The following FAM234B variants were observed in gnomAD, a reference collection of about 807,000 sequenced individuals.
FAM234B encodes the protein protein FAM234B.
In FAM234B, 33 loss-of-function variants were observed where a neutral mutation model predicts 69.3. The observed-to-expected ratio is 0.48, with a 90% confidence interval of 0.36 to 0.64. The LOEUF is 0.64. Among genes scored for constraint, FAM234B ranks in the 30% least tolerant of loss-of-function variants. The probability of loss-of-function intolerance (pLI) is 0.00; values close to 1 mark genes in which losing one functional copy is unlikely to be tolerated. For missense variants in FAM234B, 697 were observed against 769.7 expected (o/e 0.91, Z 1.12); for synonymous variants, 306 against 306.9 (o/e 1.00, Z 0.03).
In FAM234B at chr12:13,067,350, C is replaced by G; in HGVS notation, c.1142+54C>G. The G allele has an allele frequency of 6.3e-7, 1 of 1,592,610 alleles. No individual in the cohort carries two copies. Among genetic ancestry groups the G allele is most frequent in the African/African-American group, 1.3e-5 (1 of 74,480 alleles). On this transcript the variant is annotated intron_variant, in intron 7 of 12. Transcript: ENST00000197268. This position sits in a 1 kb window ranked among gnomAD's most constrained non-coding sequence, Gnocchi z 4.7. ...GTGAGATCTCTTGTGAACTCACATG[C>G]CTTTGAGTCTCTAAGTTTGGTTGGG...
chr12:13,066,750 C>A lies in FAM234B; in HGVS notation c.963C>A (p.Ile321=). 3 of 1,614,004 alleles carry A rather than the reference C, an allele frequency of 1.9e-6. No individual in the cohort carries two copies. The highest frequency in any genetic ancestry group is 2.5e-6 in the Non-Finnish European group (3 of 1,179,964). The part of the protein sequence containing the change: ...VGNLIGPQVY[I]TTNGAVYILF... ...ATCTGATTGGTCCTCAGGTTTACAT[C>A]ACCACAAATGGGGCTGTCTACATCC... is the stretch of plus-strand genomic sequence containing the variant. Residue 321 remains isoleucine, a synonymous_variant, in exon 6 of 13, where the codon ATC becomes ATA. Coordinates refer to ENST00000197268, the MANE Select transcript of FAM234B (RefSeq NM_020853.2).
rs186683874 is a variant in FAM234B at position 13,069,566 on chromosome 12, G to A, written c.1368+855G>A. Among the ~76,000 whole-genome samples, 374 of 152,286 alleles carry A rather than the reference G, an allele frequency of 2.5e-3. 8 individuals carry two copies. Among genetic ancestry groups the A allele is most frequent in the Non-Finnish European group, 1.0e-3 (68 of 68,014 alleles). ...TGCTGTTGTGGAGGTTCGCACAGGGGTCCACCGGGAACACAGGGAGCAGAT... is the reference window on the plus strand; with the variant it reads ...TGCTGTTGTGGAGGTTCGCACAGGGATCCACCGGGAACACAGGGAGCAGAT... On this transcript the variant is annotated intron_variant, in intron 9 of 12. Transcript: ENST00000197268.
At chr12:13,069,602 C>T (rs11055227) in intron 9 of FAM234B, among the ~76,000 whole-genome samples, 1 of 152,010 alleles carries the variant, frequency 6.6e-6, no homozygotes, top group African/African-American at 2.4e-5. Flanking sequence ...GGAGTGCAGG[C>T]GAGCTGGAGG....
chr12:13,061,915 A>T, intron 4 of FAM234B, 152 bp downstream of exon 4: 1 of 686,268 alleles, frequency 1.5e-6, no homozygotes, highest in East Asian at 2.7e-5. Context: ...ATGAGAGAAA[A>T]GGTTTGGGCA....
intron 3 of FAM234B, among the ~76,000 whole-genome samples, 153 bp downstream of exon 3, chr12:13,058,702 G>A (rs1864956908): frequency 6.6e-6 from 1 of 152,194 alleles, no homozygotes; most frequent in Non-Finnish European, 1.5e-5. Flanking sequence ...TCATCAGAAA[G>A]CTTCCACATA....
chr12:13,076,052 C>T lies in FAM234B; in HGVS notation c.1551C>T (p.Pro517=). 1 of 1,614,132 alleles carries T rather than the reference C, an allele frequency of 6.2e-7. No homozygotes were observed. Among genetic ancestry groups the T allele is most frequent in the Non-Finnish European group, 8.5e-7 (1 of 1,179,990 alleles). ...NSDIILGTEP[P]SLHHLYLLHP... Reference sequence around the variant, plus strand: ...ATATCATCCTAGGAACTGAGCCGCCCAGCCTTCACCACCTTTACCTCCTGC... The same window carrying T: ...ATATCATCCTAGGAACTGAGCCGCCTAGCCTTCACCACCTTTACCTCCTGC... The change falls in exon 11 of 13, where the codon CCC becomes CCT. Residue 517 remains proline, a synonymous_variant. Transcript: ENST00000197268.
At chr12:13,050,632 G>A (rs1376604781) in intron 1 of FAM234B, among the ~76,000 whole-genome samples, 2 of 151,994 alleles carry the variant, frequency 1.3e-5, no homozygotes, top group Admixed American at 6.5e-5. Flanking sequence ...CAGATGCCTG[G>A]GTTTGAATCC....
At chr12:13,075,259 C>T (rs1484891808) in intron 10 of FAM234B, among the ~76,000 whole-genome samples, 1 of 152,054 alleles carries the variant, frequency 6.6e-6, no homozygotes, top group Non-Finnish European at 1.5e-5. Flanking sequence ...CTTTGACACC[C>T]AGTGAAAGGA....
At chr12:13,063,298 A>T (rs1306285111) in intron 5 of FAM234B, among the ~76,000 whole-genome samples, 1 of 152,212 alleles carries the variant, frequency 6.6e-6, no homozygotes, top group East Asian at 1.9e-4. Flanking sequence ...GTTTCTTCAT[A>T]TGTAAAAAAG....
intron 12 of FAM234B, 137 bp downstream of exon 12, chr12:13,080,146 C>T: frequency 1.6e-6 from 1 of 636,758 alleles, no homozygotes; most frequent in Non-Finnish European, 2.7e-6. Flanking sequence ...TTTGGACCAA[C>T]ACTGTTTCCT....
At chr12:13,080,548 A>G in intron 12 of FAM234B, 77 bp from the exon 13 acceptor site, 1 of 1,176,590 alleles carries the variant, frequency 8.5e-7, no homozygotes, top group Non-Finnish European at 1.3e-6. Context: ...AAATATTCTG[A>G]CCTTTAGTTT....
chr12:13,062,022 GTAAA>G lies in FAM234B; in HGVS notation c.721+262_721+265del, dbSNP rs570377548. On this transcript the variant is annotated intron_variant, in intron 4 of 12. Transcript: ENST00000197268. Reference sequence around the variant, plus strand: ...GAAACTACCCTGAGGCCTTTGGTGTGTAAATAGTCTCCCAACTCTGTTCTTTGTA... The same window carrying G: ...GAAACTACCCTGAGGCCTTTGGTGTGTAGTCTCCCAACTCTGTTCTTTGTA... Among the ~76,000 whole-genome samples, 555 of 152,280 alleles carry G rather than the reference GTAAA, an allele frequency of 3.6e-3. 1 individual carries two copies. The highest frequency in any genetic ancestry group is 4.1e-3 in the Non-Finnish European group (282 of 68,032).
chr12:13,063,023 A>C (rs761962553), intron 5 of FAM234B, 48 bp downstream of exon 5: 1 of 1,594,910 alleles, frequency 6.3e-7, no homozygotes, highest in African/African-American at 1.3e-5. Context: ...GACTGCTTCT[A>C]TTTTAGTTGT....
Position 13,055,753 on chromosome 12 carries a change from G to C in FAM234B, c.240G>C (p.Glu80Asp). 6.2e-7 allele frequency: 1 copy of C among 1,614,222 alleles called. No homozygotes were observed. Among genetic ancestry groups the C allele is most frequent in the Non-Finnish European group, 8.5e-7 (1 of 1,180,034 alleles). Residue 80 changes from glutamate (E) to aspartate (D), a missense_variant, in exon 2 of 13, where the codon GAG (glutamate) becomes GAC (aspartate). Glu to Asp is a conservative substitution (Grantham distance 45). Around this residue, in one of 3 missense-constraint regions of FAM234B, gnomAD observed 380 missense variants for 447.1 expected, o/e 0.85. Transcript: ENST00000197268. ...AKPHLSEVTT[E>D]GYPSEPLGGL... ...CACATCTTTCAGAAGTCACCACGGA[G>C]GGCTACCCCTCAGAACCCCTTGGGG...
chr12:13,049,904 A>G (rs184206667), intron 1 of FAM234B, among the ~76,000 whole-genome samples: 28 of 151,782 alleles, frequency 1.8e-4, no homozygotes, highest in African/African-American at 6.8e-4. Context: ...CTTTCTGATT[A>G]TTACTTATAT....
intron 1 of FAM234B, among the ~76,000 whole-genome samples, chr12:13,047,142 G>A (rs906823247): frequency 2.0e-5 from 3 of 152,206 alleles, no homozygotes; most frequent in African/African-American, 7.2e-5. Context: ...GTCTTGTTAT[G>A]AAAGAGCAGT....
chr12:13,044,654 G>C lies in FAM234B; in HGVS notation c.37+214G>C, dbSNP rs1207118983. On this transcript the variant is annotated intron_variant, in intron 1 of 12. Transcript: ENST00000197268. This position sits in a 1 kb window ranked among gnomAD's most constrained non-coding sequence, Gnocchi z 5.6. ...CAGCGGGGCAGGGGTCTCGGGCGCGGGGCGAACCCGGAGACGCGCGGGGAG... is the reference window on the plus strand; with the variant it reads ...CAGCGGGGCAGGGGTCTCGGGCGCGCGGCGAACCCGGAGACGCGCGGGGAG... 6.6e-6 allele frequency among the ~76,000 whole-genome samples: 1 copy of C among 152,236 alleles called. No individual in the cohort carries two copies. Among genetic ancestry groups the C allele is most frequent in the Non-Finnish European group, 1.5e-5 (1 of 68,040 alleles).
chr12:13,063,501 A>T (rs963644090), intron 5 of FAM234B, among the ~76,000 whole-genome samples: 1 of 152,244 alleles, frequency 6.6e-6, no homozygotes, highest in African/African-American at 2.4e-5. Context: ...ATAGGAAAAA[A>T]TCTAAGTCAA....
intron 6 of FAM234B, 78 bp downstream of exon 6, chr12:13,066,865 A>C: frequency 2.0e-6 from 3 of 1,505,182 alleles, no homozygotes; most frequent in Non-Finnish European, 2.7e-6. Context: ...ACAGGGTGAA[A>C]GCTCAGGAAC....
Sources: gnomAD v4.1 joint callset for allele counts (sites outside exome capture counted in the v4.1 genomes callset) on GRCh38, gnomAD v4.1.1 for gene constraint, gnomAD v4.1.1 regional missense constraint, Gnocchi (gnomAD v3.1) non-coding constraint, MANE v1.5 for transcripts, NCBI Gene and HGNC (gene_info 2026-07-23, HGNC 2026-07-21) for gene names.